Variants in LIN9 observed in about 807,000 individuals in gnomAD.
LIN9 encodes protein lin-9 homolog.
LIN9 carries 18 observed loss-of-function variants against 78.0 expected under a neutral mutation model. The ratio of observed to expected loss-of-function variants is 0.23; its 90% CI spans 0.16 to 0.34. The LOEUF (loss-of-function observed/expected upper bound fraction) is 0.34, where lower values mean the gene tolerates loss of function less well. LIN9 is among the 10% of genes least tolerant of loss of function. The probability of loss-of-function intolerance (pLI) is 1.00; values close to 1 mark genes in which losing one functional copy is unlikely to be tolerated. For missense variants in LIN9, 451 were observed against 644.1 expected (o/e 0.70, Z 3.25); for synonymous variants, 192 against 215.2 (o/e 0.89, Z 0.94).
At chr1:226,306,740 T>C (rs1662940725) in intron 1 of LIN9, among the ~76,000 whole-genome samples, 1 of 152,216 alleles carries the variant, frequency 6.6e-6, no homozygotes, top group African/African-American at 2.4e-5. Flanking sequence ...TTAGCTAGCC[T>C]CCTTGACTAA....
At chr1:226,299,573 A>C (rs2102669130) in intron 2 of LIN9, among the ~76,000 whole-genome samples, 1 of 152,034 alleles carries the variant, frequency 6.6e-6, no homozygotes, top group South Asian at 2.1e-4. Context: ...GAATAATGGA[A>C]TAATTTTTAA....
chr1:226,284,681 G>A (rs549035900), intron 6 of LIN9, among the ~76,000 whole-genome samples: 4 of 152,254 alleles, frequency 2.6e-5, no homozygotes, highest in East Asian at 1.9e-4. Flanking sequence ...CCGAGATCAC[G>A]CCACTGCACT....
intron 10 of LIN9, among the ~76,000 whole-genome samples, chr1:226,260,880 C>A (rs1374153815): frequency 2.0e-5 from 3 of 151,870 alleles, no homozygotes; most frequent in African/African-American, 7.2e-5. Flanking sequence ...CTCCTGACCT[C>A]GTGATCTGCC....
chr1:226,239,202 TATTAA>T lies in LIN9; in HGVS notation c.1120-111_1120-107del, dbSNP rs1268177836. 4 of 1,133,842 alleles carry T rather than the reference TATTAA, an allele frequency of 3.5e-6. No individual in the cohort carries two copies. The African/African-American group carries it at 6.3e-5, about 18-fold the overall frequency. The allele number at this position is 1,133,842 out of a possible 1,614,324, so 70.2% of individuals were successfully genotyped here. A position where few individuals can be genotyped will look rare whatever the true frequency, so the allele number is the denominator to read the frequency against. The stretch of plus-strand genomic sequence containing the variant: ...CTTATCTAAAAAGCAAACTAAAGGT[TATTAA>T]ATTTGTCTGTTTTAATTGTTATAGT... On this transcript the variant is annotated intron_variant, in intron 11 of 14. Coordinates refer to ENST00000681046, the MANE Select transcript of LIN9 (RefSeq NM_001366245.2).
intron 10 of LIN9, among the ~76,000 whole-genome samples, chr1:226,256,790 C>T (rs1349888264): frequency 6.6e-6 from 1 of 151,902 alleles, no homozygotes; most frequent in African/African-American, 2.4e-5. Flanking sequence ...GATCTCCTGA[C>T]CTCGTGATCT....
chr1:226,273,383 G>A (rs1660433453), intron 7 of LIN9, among the ~76,000 whole-genome samples: 2 of 150,896 alleles, frequency 1.3e-5, no homozygotes, highest in African/African-American at 4.9e-5. Flanking sequence ...CAAGGAACTG[G>A]AACTACAGGA....
At chr1:226,235,793 C>T (rs780753995) in intron 12 of LIN9, among the ~76,000 whole-genome samples, 28 of 152,278 alleles carry the variant, frequency 1.8e-4, no homozygotes, top group South Asian at 8.3e-4. Context: ...GGGAAACAAA[C>T]ACTCAGAAAA....
chr1:226,258,175 AAAACAAACAAACAAAC>A (rs145801833), intron 10 of LIN9, among the ~76,000 whole-genome samples: 7 of 149,216 alleles, frequency 4.7e-5, no homozygotes, highest in East Asian at 2.0e-4. Context: ...CCTGTTCTCA[AAAACAAACAAACAAAC>A]AAACAAACAA....
Position 226,277,828 on chromosome 1 carries a change from T to C in LIN9, c.629A>G (p.Lys210Arg), listed in dbSNP as rs200594612. Residue 210 changes from lysine to arginine, a missense_variant, in exon 7 of 15, where the codon AAA (lysine) becomes AGA (arginine). By Grantham distance (26) the Lys-to-Arg change is conservative. Coordinates refer to ENST00000681046, the MANE Select transcript of LIN9 (RefSeq NM_001366245.2). ...QRKVADVSQF[K>R]DLPDEIPLPL... Reference sequence around the variant, plus strand: ...CAAAGGAATTTCATCTGGGAGATCTTTGAATTGTGAAACATCTGCAACTTT... The same window carrying C: ...CAAAGGAATTTCATCTGGGAGATCTCTGAATTGTGAAACATCTGCAACTTT... 3.3e-5 allele frequency: 53 copies of C among 1,613,800 alleles called. 1 individual carries two copies. In the South Asian group the frequency reaches 4.3e-4, roughly 13 times the overall value.
At chr1:226,268,924 C>G (rs1426812542) in intron 7 of LIN9, among the ~76,000 whole-genome samples, 1 of 152,168 alleles carries the variant, frequency 6.6e-6, no homozygotes, top group Non-Finnish European at 1.5e-5. Context: ...ACAAATCTTA[C>G]CCATGAGTAC....
At chr1:226,297,616 A>T (rs1662236648) in intron 3 of LIN9, 103 bp downstream of exon 3, 1 of 641,972 alleles carries the variant, frequency 1.6e-6, no homozygotes, top group Non-Finnish European at 2.4e-6. Flanking sequence ...GTTGGGAAAA[A>T]AACTTGTAAA....
At chr1:226,291,112 A>C (rs1661764119) in intron 4 of LIN9, among the ~76,000 whole-genome samples, 1 of 152,232 alleles carries the variant, frequency 6.6e-6, no homozygotes, top group Non-Finnish European at 1.5e-5. Flanking sequence ...TTAAATGTAC[A>C]TAATTTACGA....
At chr1:226,234,090 C>T (rs537702122) in intron 12 of LIN9, among the ~76,000 whole-genome samples, 1 of 152,278 alleles carries the variant, frequency 6.6e-6, no homozygotes, top group East Asian at 1.9e-4. Context: ...TGACCTGTCC[C>T]ATTACTGGTG....
Position 226,300,137 on chromosome 1 carries a change from C to T in LIN9, c.64+1036G>A, listed in dbSNP as rs183297322. 4.9e-4 allele frequency among the ~76,000 whole-genome samples: 74 copies of T among 152,216 alleles called. 1 individual carries two copies. The highest frequency in any genetic ancestry group is 1.6e-3 in the African/African-American group (68 of 41,556). On this transcript the variant is annotated intron_variant, in intron 2 of 14. Transcript: ENST00000681046. ...ATTTTTAGTAGAGATGGGGTTTCACCTTGTTAGCCAGGCTAATCACGAACT... is the reference window on the plus strand; with the variant it reads ...ATTTTTAGTAGAGATGGGGTTTCACTTTGTTAGCCAGGCTAATCACGAACT...
chr1:226,285,968 G>A (rs182452202), intron 6 of LIN9, among the ~76,000 whole-genome samples: 7 of 152,066 alleles, frequency 4.6e-5, no homozygotes, highest in Admixed American at 6.5e-5. Flanking sequence ...AGATGCATAC[G>A]TATAAACAGC....
intron 6 of LIN9, among the ~76,000 whole-genome samples, chr1:226,279,270 C>G (rs968227460): frequency 1.3e-5 from 2 of 152,018 alleles, no homozygotes; most frequent in Non-Finnish European, 1.5e-5. Flanking sequence ...AGTCTGAGAC[C>G]AGCCTGGGCA....
chr1:226,292,088 C>T (rs536514775), intron 4 of LIN9, among the ~76,000 whole-genome samples: 6 of 152,068 alleles, frequency 3.9e-5, no homozygotes, highest in Non-Finnish European at 8.8e-5. Context: ...GTATTAGCAG[C>T]TCATCGAATA....
rs1175232272 is a variant in LIN9 at position 226,265,691 on chromosome 1, TTTTTTA to T, written c.937-63_937-58del. 1 of 971,186 alleles carries T rather than the reference TTTTTTA, an allele frequency of 1.0e-6. No homozygotes were observed. The highest frequency in any genetic ancestry group is 1.6e-6 in the Non-Finnish European group (1 of 636,094). The allele number at this position is 971,186 out of a possible 1,614,324, so 60.2% of individuals were successfully genotyped here. A position where few individuals can be genotyped will look rare whatever the true frequency, so the allele number is the denominator to read the frequency against. On this transcript the variant is annotated intron_variant, in intron 9 of 14. Coordinates refer to ENST00000681046, the MANE Select transcript of LIN9 (RefSeq NM_001366245.2). The surrounding 1 kb of genome is among the most constrained non-coding windows in gnomAD (Gnocchi z 4.1). ...TGACTATTCAGAGGAAGTATCTTAT[TTTTTTA>T]TTTTTATTTTTTTTTAGACGGAGTC...
rs1349525782 is a variant in LIN9, at chr1:226,265,440, AC to A, written c.1038+92del. The stretch of plus-strand genomic sequence containing the variant: ...GCTCTTAAAACCTACACGGTGATAA[AC>A]CTACACGGCCCTAGAAAAATTTTCA... On this transcript the variant is annotated intron_variant, in intron 10 of 14. Coordinates refer to ENST00000681046, the MANE Select transcript of LIN9 (RefSeq NM_001366245.2). The surrounding 1 kb of genome is among the most constrained non-coding windows in gnomAD (Gnocchi z 4.1). 3 of 658,702 alleles carry A rather than the reference AC, an allele frequency of 4.6e-6. No individual in the cohort carries two copies. In the African/African-American group the frequency reaches 5.6e-5, roughly 12 times the overall value. The allele number at this position is 658,702 out of a possible 1,614,324, so 40.8% of individuals were successfully genotyped here.
Sources: gnomAD v4.1 joint callset for allele counts (sites outside exome capture counted in the v4.1 genomes callset) on GRCh38, gnomAD v4.1.1 for gene constraint, Gnocchi (gnomAD v3.1) non-coding constraint, MANE v1.5 for transcripts, NCBI Gene and HGNC (gene_info 2026-07-23, HGNC 2026-07-21) for gene names.